Variants in GPC6 observed in about 807,000 individuals in gnomAD.
GPC6 encodes glypican 6.
Under a neutral mutation model 55.2 loss-of-function variants are expected in GPC6, and 14 were observed. The observed-to-expected ratio is 0.25, with a 90% CI of 0.17 to 0.40. The LOEUF (loss-of-function observed/expected upper bound fraction) is 0.40. Ranked by LOEUF, GPC6 falls within the 10% of genes least tolerant of loss-of-function variation. The pLI, the probability that GPC6 is intolerant of heterozygous loss-of-function variation, is 1.00. For synonymous variants in GPC6, 278 were observed against 259.6 expected (o/e 1.07, Z -0.68); for missense variants, 641 against 708.5 (o/e 0.90, Z 1.08).
At chr13:93,349,705 G>A (rs1259724414) in intron 1 of GPC6, among the ~76,000 whole-genome samples, 3 of 152,064 alleles carry the variant, frequency 2.0e-5, no homozygotes, top group South Asian at 2.1e-4. Flanking sequence ...ATTTTAAGTC[G>A]AGTGAGTTTT....
intron 1 of GPC6, among the ~76,000 whole-genome samples, chr13:93,509,451 G>T (rs1347501512): frequency 6.6e-6 from 1 of 152,140 alleles, no homozygotes; most frequent in Non-Finnish European, 1.5e-5. Context: ...CAAAGAAAGG[G>T]TACATCTTCA....
intron 2 of GPC6, among the ~76,000 whole-genome samples, chr13:93,627,004 CT>C (rs944585342): frequency 1.3e-5 from 2 of 152,000 alleles, no homozygotes; most frequent in African/African-American, 2.4e-5. Context: ...GTGCTACACA[CT>C]TTTTTTATTA....
At chr13:93,901,748 A>G (rs978046534) in intron 3 of GPC6, among the ~76,000 whole-genome samples, 8 of 151,964 alleles carry the variant, frequency 5.3e-5, no homozygotes, top group Non-Finnish European at 1.0e-4. Context: ...TAAAAATACA[A>G]AAAGTAGCCG....
intron 2 of GPC6, among the ~76,000 whole-genome samples, chr13:93,645,368 G>T (rs2139591958): frequency 6.6e-6 from 1 of 152,118 alleles, no homozygotes; most frequent in Non-Finnish European, 1.5e-5. Context: ...TGAAAGAAAG[G>T]TTACATAGTT....
intron 1 of GPC6, among the ~76,000 whole-genome samples, chr13:93,354,708 A>C (rs1000027621): frequency 6.6e-6 from 1 of 152,006 alleles, no homozygotes; most frequent in African/African-American, 2.4e-5. Flanking sequence ...AACGTGTTAT[A>C]TGTTTAATAA....
chr13:93,992,281 G>T (rs1881347195), intron 3 of GPC6, among the ~76,000 whole-genome samples: 1 of 150,994 alleles, frequency 6.6e-6, no homozygotes, highest in Non-Finnish European at 1.5e-5. Context: ...TTTTATTTTT[G>T]TATTTAAGAT....
intron 3 of GPC6, among the ~76,000 whole-genome samples, chr13:93,842,856 A>G (rs1489653645): frequency 6.6e-6 from 1 of 152,112 alleles, no homozygotes; most frequent in Non-Finnish European, 1.5e-5. Flanking sequence ...CCTAAAATCA[A>G]TATGTGTGTT....
At chr13:93,698,599 G>C (rs1882555580) in intron 2 of GPC6, among the ~76,000 whole-genome samples, 1 of 137,906 alleles carries the variant, frequency 7.3e-6, no homozygotes, top group Admixed American at 8.1e-5. Context: ...TTTGTCATTT[G>C]CTGGATTGAG....
At chr13:93,333,980 C>A (rs901815757) in intron 1 of GPC6, among the ~76,000 whole-genome samples, 4 of 152,038 alleles carry the variant, frequency 2.6e-5, no homozygotes, top group African/African-American at 9.7e-5. Flanking sequence ...TTTTCTAATA[C>A]ATGTTTTTTG....
At chr13:94,337,968 C>A (rs4771888) in intron 6 of GPC6, among the ~76,000 whole-genome samples, 44,768 of 151,978 alleles carry the variant, frequency 0.29, 7,042 homozygotes, top group East Asian at 0.63. Flanking sequence ...AGGGCACACG[C>A]TAAGTTTGGA....
At chr13:94,391,107 A>C (rs1880625365) in intron 7 of GPC6, among the ~76,000 whole-genome samples, 1 of 152,180 alleles carries the variant, frequency 6.6e-6, no homozygotes, top group Admixed American at 6.5e-5. Context: ...TTACTGCTGC[A>C]ATCAATGAGC....
At chr13:94,234,473 C>G (rs545612904) in intron 4 of GPC6, among the ~76,000 whole-genome samples, 1 of 148,834 alleles carries the variant, frequency 6.7e-6, no homozygotes, top group Non-Finnish European at 1.5e-5. Flanking sequence ...GAAAATATGT[C>G]TCTGTTGAAC....
chr13:93,943,620 C>A (rs998454365), intron 3 of GPC6, among the ~76,000 whole-genome samples: 7 of 149,584 alleles, frequency 4.7e-5, no homozygotes, highest in Admixed American at 2.7e-4. Flanking sequence ...CAGTCTCTTT[C>A]AAAAAAAAAA....
intron 2 of GPC6, among the ~76,000 whole-genome samples, chr13:93,564,737 T>G (rs1239826695): frequency 1.3e-5 from 2 of 152,142 alleles, no homozygotes; most frequent in Non-Finnish European, 2.9e-5. Flanking sequence ...AGTTTCTTGT[T>G]AAGTATATTT....
intron 1 of GPC6, among the ~76,000 whole-genome samples, chr13:93,439,633 G>T (rs1400556883): frequency 6.6e-6 from 1 of 150,814 alleles, no homozygotes; most frequent in African/African-American, 2.5e-5. Flanking sequence ...TTACATTCTA[G>T]CCTGGGCGAC....
chr13:94,250,315 C>A (rs1594097734), intron 4 of GPC6, among the ~76,000 whole-genome samples: 4 of 152,030 alleles, frequency 2.6e-5, no homozygotes, highest in Non-Finnish European at 5.9e-5. Context: ...ATCAAGAGAT[C>A]AAATACAGTT....
chr13:94,136,365 A>T (rs1267398077), intron 4 of GPC6, among the ~76,000 whole-genome samples: 2 of 152,124 alleles, frequency 1.3e-5, no homozygotes, highest in African/African-American at 4.8e-5. Flanking sequence ...GCATGGCGAT[A>T]AGAAGGGTGT....
intron 1 of GPC6, among the ~76,000 whole-genome samples, chr13:93,300,475 C>T (rs1405287296): frequency 1.3e-5 from 2 of 150,820 alleles, no homozygotes; most frequent in African/African-American, 2.4e-5. Flanking sequence ...AGTGAAACCC[C>T]GTCTCTACTA....
In GPC6 at chr13:94,108,037, G is replaced by A. The variant is rs184690684; in HGVS notation, c.877+80143G>A. ...TTTGATCCAGCAATCTCACTTCTGGGTATCTACCCAGAAGAAAATAAGTCA... is the reference window on the plus strand; with the variant it reads ...TTTGATCCAGCAATCTCACTTCTGGATATCTACCCAGAAGAAAATAAGTCA... On this transcript the variant is annotated intron_variant, in intron 4 of 8. Coordinates refer to ENST00000377047, the MANE Select transcript of GPC6 (RefSeq NM_005708.5). 1.9e-3 allele frequency among the ~76,000 whole-genome samples: 288 copies of A among 152,004 alleles called. 3 individuals are homozygous for A. Among genetic ancestry groups the A allele is most frequent in the Admixed American group, 4.7e-3 (71 of 15,268 alleles).
Sources: gnomAD v4.1 joint callset for allele counts (sites outside exome capture counted in the v4.1 genomes callset) on GRCh38, gnomAD v4.1.1 for gene constraint, MANE v1.5 for transcripts, NCBI Gene and HGNC (gene_info 2026-07-23, HGNC 2026-07-21) for gene names.